The following NRXN1 variants were observed in gnomAD, a reference collection of about 807,000 sequenced individuals.
NRXN1 encodes the protein neurexin-1.
NRXN1 carries 39 observed loss-of-function variants against 150.9 expected under a neutral mutation model. That is an observed-to-expected ratio of 0.26 (90% CI 0.20 to 0.34). The LOEUF is 0.34. Among genes scored for constraint, NRXN1 ranks in the 10% least tolerant of loss-of-function variants. The pLI is 1.00. For missense variants in NRXN1, 1,815 were observed against 1,949.9 expected (o/e 0.93, Z 1.30); for synonymous variants, 924 against 757.0 (o/e 1.22, Z -3.62).
rs1337501162 is a variant in NRXN1, at chr2:50,054,121, T to G, written c.3809-531A>C. Among the ~76,000 whole-genome samples the G allele has an allele frequency of 2.0e-5, 3 of 152,170 alleles. No individual in the cohort carries two copies. The East Asian group carries it at 5.8e-4, about 29-fold the overall frequency. The stretch of plus-strand genomic sequence containing the variant: ...AATTATTCATTGTTATTTGAATTAT[T>G]CTATTTTTCCGGCAATCACACTGAA... On this transcript the variant is annotated intron_variant, in intron 20 of 22. Coordinates refer to ENST00000401669, the MANE Select transcript of NRXN1 (RefSeq NM_001330078.2).
intron 5 of NRXN1, among the ~76,000 whole-genome samples, chr2:50,832,576 C>T (rs1574639845): frequency 6.6e-6 from 1 of 152,134 alleles, no homozygotes; most frequent in Non-Finnish European, 1.5e-5. Context: ...ACTGCTTGAA[C>T]CCAGTAGGCA....
At chr2:50,902,352 G>C (rs1683077001) in intron 5 of NRXN1, among the ~76,000 whole-genome samples, 1 of 148,500 alleles carries the variant, frequency 6.7e-6, no homozygotes. Context: ...GTTTAGAATA[G>C]AAGAAGAACA....
At chr2:50,132,258 T>C (rs544399365) in intron 18 of NRXN1, among the ~76,000 whole-genome samples, 14 of 151,854 alleles carry the variant, frequency 9.2e-5, no homozygotes, top group Non-Finnish European at 1.9e-4. Context: ...TGTGTACAGA[T>C]ATGCTGTGTC....
At chr2:50,100,560 T>G (rs1700850050) in intron 18 of NRXN1, among the ~76,000 whole-genome samples, 1 of 152,132 alleles carries the variant, frequency 6.6e-6, no homozygotes, top group African/African-American at 2.4e-5. Flanking sequence ...GATTATTCTT[T>G]ACACAGTATT....
chr2:50,777,435 G>A (rs1296418918), intron 5 of NRXN1, among the ~76,000 whole-genome samples: 11 of 152,066 alleles, frequency 7.2e-5, no homozygotes, highest in Admixed American at 1.3e-4. Context: ...TTTTAGAAAC[G>A]CTTACAGGTT....
chr2:50,362,384 G>A (rs1386292139), intron 17 of NRXN1, among the ~76,000 whole-genome samples: 1 of 152,168 alleles, frequency 6.6e-6, no homozygotes, highest in Non-Finnish European at 1.5e-5. Context: ...CAACTGATGA[G>A]CAAATTCAAC....
chr2:50,994,460 G>C (rs895383693), intron 2 of NRXN1, among the ~76,000 whole-genome samples: 1 of 151,938 alleles, frequency 6.6e-6, no homozygotes, highest in Non-Finnish European at 1.5e-5. Context: ...ATATTATCAC[G>C]ACTTTTGTTT....
chr2:50,389,971 T>G (rs541769032), intron 17 of NRXN1, among the ~76,000 whole-genome samples: 99 of 152,324 alleles, frequency 6.5e-4, no homozygotes, highest in East Asian at 2.5e-3. Context: ...CAGACTGGCA[T>G]GTCAAACTCA....
intron 19 of NRXN1, among the ~76,000 whole-genome samples, chr2:50,063,543 A>AAGAGACAC (rs1694888635): frequency 1.6e-5 from 1 of 63,208 alleles, no homozygotes; most frequent in African/African-American, 9.5e-5. Context: ...TGCCCACCTC[A>AAGAGACAC]ACAGACACAC....
At chr2:50,345,331 C>T (rs1440354320) in intron 17 of NRXN1, among the ~76,000 whole-genome samples, 2 of 152,066 alleles carry the variant, frequency 1.3e-5, no homozygotes, top group Admixed American at 6.5e-5. Context: ...AGAATTGTCC[C>T]CAGGTGGGAA....
At chr2:50,791,767 T>C (rs927178588) in intron 5 of NRXN1, among the ~76,000 whole-genome samples, 2 of 152,182 alleles carry the variant, frequency 1.3e-5, no homozygotes, top group South Asian at 2.1e-4. Context: ...AAATACTGTT[T>C]GCTTAAAGGT....
At chr2:49,982,692 C>G (rs1680175893) in intron 21 of NRXN1, among the ~76,000 whole-genome samples, 1 of 152,014 alleles carries the variant, frequency 6.6e-6, no homozygotes, top group African/African-American at 2.4e-5. Context: ...ATTCTAGTAG[C>G]AAAAGAATAA....
intron 9 of NRXN1, among the ~76,000 whole-genome samples, chr2:50,548,437 G>T (rs1259882134): frequency 6.6e-6 from 1 of 151,712 alleles, no homozygotes; most frequent in African/African-American, 2.4e-5. Context: ...AGAAAGTAAT[G>T]TAATTTAAAT....
At chr2:50,009,307 G>A (rs1190740421) in intron 21 of NRXN1, among the ~76,000 whole-genome samples, 4 of 152,048 alleles carry the variant, frequency 2.6e-5, no homozygotes, top group Admixed American at 6.6e-5. Context: ...AGCATAGAAC[G>A]TTCTCACTAA....
At chr2:50,286,368 A>G (rs1384500715) in intron 17 of NRXN1, among the ~76,000 whole-genome samples, 1 of 152,122 alleles carries the variant, frequency 6.6e-6, no homozygotes, top group Non-Finnish European at 1.5e-5. Flanking sequence ...TCAACATATG[A>G]GTGAGATCAT....
intron 5 of NRXN1, among the ~76,000 whole-genome samples, chr2:50,766,487 G>A (rs1214570938): frequency 6.6e-6 from 1 of 152,006 alleles, no homozygotes; most frequent in Non-Finnish European, 1.5e-5. Flanking sequence ...AGGTAGGTGG[G>A]GAGGTTTGAG....
At chr2:50,497,797 T>C in intron 13 of NRXN1, 83 bp from the exon 14 acceptor site, 7 of 1,353,788 alleles carry the variant, frequency 5.2e-6, no homozygotes, top group Non-Finnish European at 7.1e-6. Flanking sequence ...TATCACATTC[T>C]AAAATACAAG....
intron 2 of NRXN1, among the ~76,000 whole-genome samples, chr2:50,943,733 C>T (rs967160362): frequency 1.3e-5 from 2 of 152,128 alleles, no homozygotes; most frequent in Non-Finnish European, 2.9e-5. Flanking sequence ...TCATGATCAC[C>T]TAGCCCAGAT....
rs907166435 is a variant in NRXN1, at chr2:50,386,457, G to A, written c.3364+78985C>T. Among the ~76,000 whole-genome samples the A allele has an allele frequency of 3.3e-5, 5 of 152,018 alleles. No individual in the cohort carries two copies. The East Asian group carries it at 7.7e-4, about 23-fold the overall frequency. ...GTAATTTCAACTAATGAGTCTTACA[G>A]AAGTAGGAATTGAGCGGTTGTCTTT... On this transcript the variant is annotated intron_variant, in intron 17 of 22. Transcript: ENST00000401669.
Sources: gnomAD v4.1 joint callset for allele counts (sites outside exome capture counted in the v4.1 genomes callset) on GRCh38, gnomAD v4.1.1 for gene constraint, MANE v1.5 for transcripts, NCBI Gene and HGNC (gene_info 2026-07-23, HGNC 2026-07-21) for gene names.